CCSER2: variants seen among roughly 807,000 people sequenced by gnomAD.
CCSER2 encodes the protein serine-rich coiled-coil domain-containing protein 2.
In CCSER2, 46 loss-of-function variants were observed where a neutral mutation model predicts 92.3. That is an observed-to-expected ratio of 0.50 (90% CI 0.39 to 0.64). CCSER2 has a LOEUF of 0.64. Ranked by LOEUF, CCSER2 falls within the 30% of genes least tolerant of loss-of-function variation. The pLI is 0.00. For missense variants in CCSER2, 1,244 were observed against 1,238.9 expected (o/e 1.00, Z -0.06); for synonymous variants, 433 against 431.4 (o/e 1.00, Z -0.04).
chr10:84,368,159 G>C (rs1328116356), intron 1 of CCSER2, among the ~76,000 whole-genome samples: 1 of 151,898 alleles, frequency 6.6e-6, no homozygotes, highest in African/African-American at 2.4e-5. Context: ...ACTTTTGTAG[G>C]GCATGGCAAA....
intron 8 of CCSER2, among the ~76,000 whole-genome samples, chr10:84,474,617 C>T (rs563863514): frequency 6.4e-5 from 9 of 141,488 alleles, no homozygotes; most frequent in Non-Finnish European, 1.2e-4. Context: ...GCCAAGATCG[C>T]GTGCCACTGC....
intron 8 of CCSER2, among the ~76,000 whole-genome samples, chr10:84,476,497 T>C (rs540499568): frequency 7.6e-6 from 1 of 131,498 alleles, no homozygotes; most frequent in East Asian, 2.5e-4. Flanking sequence ...CAGGCTGGAG[T>C]GCAGTGGTGC....
chr10:84,375,602 A>C (rs550389297), intron 3 of CCSER2, among the ~76,000 whole-genome samples: 2 of 141,854 alleles, frequency 1.4e-5, no homozygotes. Flanking sequence ...ATCTCTAACT[A>C]TGCTTTTTGT....
At chr10:84,332,917 T>C (rs189155718) in intron 1 of CCSER2, among the ~76,000 whole-genome samples, 161 of 152,300 alleles carry the variant, frequency 1.1e-3, no homozygotes, top group Non-Finnish European at 1.9e-3. Context: ...TAGAATTCAT[T>C]TTGTTATGTA....
chr10:84,440,672 C>T (rs1214641825), intron 6 of CCSER2, among the ~76,000 whole-genome samples: 1 of 152,204 alleles, frequency 6.6e-6, no homozygotes, highest in African/African-American at 2.4e-5. Context: ...AGTTTATTCT[C>T]TCACTTTGCT....
intron 2 of CCSER2, among the ~76,000 whole-genome samples, chr10:84,372,986 A>G (rs1347237508): frequency 6.6e-6 from 1 of 152,150 alleles, no homozygotes; most frequent in Non-Finnish European, 1.5e-5. Flanking sequence ...TAAACTGAAG[A>G]AAGTGAAATA....
chr10:84,382,241 G>C (rs555267552), intron 3 of CCSER2, among the ~76,000 whole-genome samples: 1 of 152,150 alleles, frequency 6.6e-6, no homozygotes, highest in Non-Finnish European at 1.5e-5. Flanking sequence ...TTTACTTCAT[G>C]ATAGCATCTT....
At chr10:84,499,209 C>T (rs1217169491) in intron 9 of CCSER2, among the ~76,000 whole-genome samples, 1 of 152,070 alleles carries the variant, frequency 6.6e-6, no homozygotes, top group African/African-American at 2.4e-5. Flanking sequence ...CATCTCGGCT[C>T]ACTGCAACCT....
At chr10:84,413,054 G>A (rs1271075775) in intron 3 of CCSER2, among the ~76,000 whole-genome samples, 1 of 150,114 alleles carries the variant, frequency 6.7e-6, no homozygotes, top group African/African-American at 2.4e-5. Flanking sequence ...TACTAGTCTA[G>A]CTAGTTGTCT....
At chr10:84,461,473 G>A (rs1398575750) in intron 6 of CCSER2, among the ~76,000 whole-genome samples, 1 of 152,084 alleles carries the variant, frequency 6.6e-6, no homozygotes, top group Admixed American at 6.5e-5. Flanking sequence ...AGCAGGCTCT[G>A]TCAATTTTTT....
intron 7 of CCSER2, among the ~76,000 whole-genome samples, chr10:84,466,901 A>G (rs1253747416): frequency 1.3e-5 from 2 of 152,162 alleles, no homozygotes; most frequent in Non-Finnish European, 2.9e-5. Context: ...GTGCTATGGA[A>G]GATCAGCTCT....
intron 9 of CCSER2, among the ~76,000 whole-genome samples, chr10:84,509,080 A>T (rs1306801503): frequency 6.6e-6 from 1 of 152,244 alleles, no homozygotes; most frequent in Non-Finnish European, 1.5e-5. Flanking sequence ...TGTGTATAAC[A>T]TGCAGTCAGT....
At chr10:84,411,908 C>T (rs1161316685) in intron 3 of CCSER2, among the ~76,000 whole-genome samples, 7 of 152,172 alleles carry the variant, frequency 4.6e-5, no homozygotes, top group African/African-American at 1.4e-4. Context: ...GGAACGCCTC[C>T]AGCTTTTGCC....
At chr10:84,446,640 G>T (rs556871839) in intron 6 of CCSER2, among the ~76,000 whole-genome samples, 1 of 152,038 alleles carries the variant, frequency 6.6e-6, no homozygotes, top group South Asian at 2.1e-4. Flanking sequence ...ACAACATAAG[G>T]GTTCAGTTTA....
chr10:84,366,885 A>G (rs1213594839), intron 1 of CCSER2, among the ~76,000 whole-genome samples: 2 of 152,208 alleles, frequency 1.3e-5, no homozygotes, highest in African/African-American at 4.8e-5. Context: ...TGACAAATGT[A>G]GGAATCCTTG....
In CCSER2 at chr10:84,372,344, C is replaced by T. The variant is rs1846105267; in HGVS notation, c.1292C>T (p.Pro431Leu). ...IEDSNRTRITPEEMSLKEEKH... is the reference protein window; with the variant it reads ...IEDSNRTRITLEEMSLKEEKH... ...GACTCCAACAGAACTAGAATAACTCCAGAGGAAATGTCTCTCAAAGAAGAG... is the reference window on the plus strand; with the variant it reads ...GACTCCAACAGAACTAGAATAACTCTAGAGGAAATGTCTCTCAAAGAAGAG... The change falls in exon 2 of 10, where the codon CCA (proline) becomes CTA (leucine). Residue 431 changes from proline to leucine, a missense_variant. Pro to Leu is a moderately conservative substitution (Grantham distance 98, BLOSUM62 -3). Transcript: ENST00000372088. 4.3e-6 allele frequency: 7 copies of T among 1,611,842 alleles called. No homozygotes were observed. Among genetic ancestry groups the T allele is most frequent in the East Asian group, 4.5e-5 (2 of 44,854 alleles).
At position 84,479,601 on chromosome 10, in the gene CCSER2, G is replaced by A. The variant is rs182474298; in HGVS notation, c.2325+1937G>A. The stretch of plus-strand genomic sequence containing the variant: ...GCAGATATTTATGTGCCTACTTCAT[G>A]CCAGGCACTGTATTAATTTGGATGT... On this transcript the variant is annotated intron_variant, in intron 9 of 9. Coordinates refer to ENST00000372088, the MANE Select transcript of CCSER2 (RefSeq NM_001284240.2). Among the ~76,000 whole-genome samples the A allele has an allele frequency of 1.3e-4, 20 of 152,282 alleles. No individual in the cohort carries two copies. In the South Asian group the frequency reaches 4.1e-3, roughly 32 times the overall value.
intron 3 of CCSER2, chr10:84,391,186 G>A: frequency 1.1e-6 from 1 of 886,928 alleles, no homozygotes; most frequent in Non-Finnish European, 1.9e-6. Context: ...ACTGCAGTCT[G>A]GCTTTCTTCC....
chr10:84,346,821 T>G (rs1224367422), intron 1 of CCSER2, among the ~76,000 whole-genome samples: 1 of 151,798 alleles, frequency 6.6e-6, no homozygotes, highest in Non-Finnish European at 1.5e-5. Context: ...CTTGGGTGTT[T>G]CTCGCAGAGG....
Sources: gnomAD v4.1 joint callset for allele counts (sites outside exome capture counted in the v4.1 genomes callset) on GRCh38, gnomAD v4.1.1 for gene constraint, MANE v1.5 for transcripts, NCBI Gene and HGNC (gene_info 2026-07-23, HGNC 2026-07-21) for gene names.